Variants in BRAF observed in about 807,000 individuals in gnomAD.
BRAF encodes the protein B-Raf proto-oncogene, serine/threonine kinase, also known as serine/threonine-protein kinase B-raf.
A neutral mutation model predicts 104.6 loss-of-function variants in BRAF; 16 were observed. The ratio of observed to expected loss-of-function variants is 0.15; its 90% CI spans 0.10 to 0.23. The LOEUF (loss-of-function observed/expected upper bound fraction) is 0.23. BRAF is among the 10% of genes least tolerant of loss of function. BRAF has a pLI of 1.00. For synonymous variants in BRAF, 310 were observed against 341.6 expected (o/e 0.91, Z 1.02); for missense variants, 541 against 937.3 (o/e 0.58, Z 5.52).
At chr7:140,912,113 A>AC (rs1371735128) in intron 1 of BRAF, among the ~76,000 whole-genome samples, 2 of 152,206 alleles carry the variant, frequency 1.3e-5, no homozygotes, top group Non-Finnish European at 2.9e-5. Context: ...TGACTGTGCC[A>AC]CTGCACCCCA....
chr7:140,875,135 G>C (rs935305079), intron 1 of BRAF, among the ~76,000 whole-genome samples: 2 of 152,156 alleles, frequency 1.3e-5, no homozygotes, highest in Non-Finnish European at 2.9e-5. Flanking sequence ...TTCAAGAATA[G>C]AGTAATACAT....
rs569144905 is a variant in BRAF at position 140,721,229 on chromosome 7, G to A, written c.*5265C>T. The stretch of plus-strand genomic sequence containing the variant: ...TAGTAATTAATAAAACTTAACAGTT[G>A]AAGTTGTGGATGTTAAATAAAAGTA... On this transcript the variant is annotated 3_prime_UTR_variant, in exon 20 of 20. Coordinates refer to ENST00000644969, the MANE Select transcript of BRAF (RefSeq NM_001374258.1). The A allele has an allele frequency of 5.0e-5, 55 of 1,091,704 alleles. No individual in the cohort carries two copies. The East Asian group carries it at 2.4e-3, about 48-fold the overall frequency. 67.6% of individuals were successfully genotyped at this position (1,091,704 alleles called of 1,614,324 possible).
intron 3 of BRAF, among the ~76,000 whole-genome samples, chr7:140,813,958 A>T (rs1327945905): frequency 6.6e-6 from 1 of 152,112 alleles, no homozygotes; most frequent in Non-Finnish European, 1.5e-5. Flanking sequence ...AGAAAATTGG[A>T]TGTATATTTA....
chr7:140,807,530 G>A (rs758773538), intron 5 of BRAF, among the ~76,000 whole-genome samples: 1 of 151,120 alleles, frequency 6.6e-6, no homozygotes, highest in Non-Finnish European at 1.5e-5. Flanking sequence ...TTTAAGAAAG[G>A]GAAAAGAAAA....
chr7:140,873,985 A>C (rs1811905203), intron 1 of BRAF, among the ~76,000 whole-genome samples: 1 of 152,174 alleles, frequency 6.6e-6, no homozygotes, highest in South Asian at 2.1e-4. Context: ...AAATAAAAAC[A>C]AGGAGGGGAA....
rs190766657 is a variant in BRAF, at chr7:140,869,550, T to G, written c.139-19338A>C. Among the ~76,000 whole-genome samples, 494 of 151,982 alleles carry G rather than the reference T, an allele frequency of 3.3e-3. 3 individuals carry two copies. The highest frequency in any genetic ancestry group is 0.011 in the African/African-American group (472 of 41,442). On this transcript the variant is annotated intron_variant, in intron 1 of 19. Coordinates refer to ENST00000644969, the MANE Select transcript of BRAF (RefSeq NM_001374258.1). ...CAGGAGGCTGAGGCATGAGAATCAC[T>G]TGAACCTGGGAGACAGAGGTTGCGG...
chr7:140,733,019 A>G (rs1317787253), intron 19 of BRAF: 1 of 152,032 alleles, frequency 6.6e-6, no homozygotes, highest in African/African-American at 2.4e-5. Context: ...TTTATTCCTT[A>G]GTATCATTTT....
rs1405446994 is a variant in BRAF, at chr7:140,721,639, A to C, written c.*4855T>G. On this transcript the variant is annotated 3_prime_UTR_variant, in exon 20 of 20. Transcript: ENST00000644969. ...CATCACCTGAGGCAGAGATGCTACT[A>C]CCCTCTTCTGGGGCTCAACTACCGA... 1 of 1,535,682 alleles carries C rather than the reference A, an allele frequency of 6.5e-7. No individual in the cohort carries two copies. Among genetic ancestry groups the C allele is most frequent in the East Asian group, 2.4e-5 (1 of 40,842 alleles).
chr7:140,744,661 A>G (rs1797204316), intron 17 of BRAF, among the ~76,000 whole-genome samples: 1 of 152,174 alleles, frequency 6.6e-6, no homozygotes, highest in African/African-American at 2.4e-5. Flanking sequence ...TGAAATATGG[A>G]AAGAATCAAT....
chr7:140,823,724 A>G (rs1040443613), intron 3 of BRAF: 26 of 152,194 alleles, frequency 1.7e-4, no homozygotes, highest in African/African-American at 5.5e-4. Context: ...TAGTTTTTTG[A>G]GGAACCTCTA....
intron 14 of BRAF, among the ~76,000 whole-genome samples, chr7:140,755,055 C>T: frequency 6.6e-6 from 1 of 152,022 alleles, no homozygotes; most frequent in Non-Finnish European, 1.5e-5. Context: ...ACTCTATCAC[C>T]CAGGCTGGAG....
At chr7:140,841,051 C>T (rs376391259) in intron 2 of BRAF, among the ~76,000 whole-genome samples, 1 of 151,886 alleles carries the variant, frequency 6.6e-6, no homozygotes, top group Non-Finnish European at 1.5e-5. Context: ...AAAGGACAAA[C>T]CCAGTTTTTT....
intron 19 of BRAF, chr7:140,730,932 T>C (rs1379258266): frequency 1.3e-5 from 2 of 152,230 alleles, no homozygotes; most frequent in Non-Finnish European, 2.9e-5. Flanking sequence ...AATCAATCAC[T>C]ACTTGACATT....
In BRAF at chr7:140,924,131, G is replaced by T. The variant is rs1396160272; in HGVS notation, c.138+435C>A. Reference sequence around the variant, plus strand: ...TGAGCCCCATCATCCCCACGACCATGTAAGAATTACACGCGACAGTAACTC... The same window carrying T: ...TGAGCCCCATCATCCCCACGACCATTTAAGAATTACACGCGACAGTAACTC... On this transcript the variant is annotated intron_variant, in intron 1 of 19. Transcript: ENST00000644969. This position sits in a 1 kb window ranked among gnomAD's most constrained non-coding sequence, Gnocchi z 4.2. Among the ~76,000 whole-genome samples, 1 of 152,162 alleles carries T rather than the reference G, an allele frequency of 6.6e-6. No individual in the cohort carries two copies. The highest frequency in any genetic ancestry group is 6.5e-5 in the Admixed American group (1 of 15,284).
intron 12 of BRAF, chr7:140,780,064 T>C (rs1250176341): frequency 2.6e-5 from 4 of 152,178 alleles, no homozygotes; most frequent in African/African-American, 9.7e-5. Flanking sequence ...GTTTGTATCA[T>C]AAAATACTGT....
chr7:140,878,699 A>C (rs1002993211), intron 1 of BRAF, among the ~76,000 whole-genome samples: 11 of 152,238 alleles, frequency 7.2e-5, no homozygotes, highest in Non-Finnish European at 1.3e-4. Flanking sequence ...GGGAAATTAC[A>C]GTTAACAATT....
intron 2 of BRAF, among the ~76,000 whole-genome samples, chr7:140,837,767 C>T (rs1807498977): frequency 6.6e-6 from 1 of 152,176 alleles, no homozygotes; most frequent in African/African-American, 2.4e-5. Context: ...TTCTCTGGAT[C>T]TTAACTTCAT....
intron 3 of BRAF, among the ~76,000 whole-genome samples, chr7:140,827,517 G>A (rs1806194119): frequency 6.6e-6 from 1 of 152,212 alleles, no homozygotes. Flanking sequence ...GTCAAAGACA[G>A]TCAAGTTTAT....
chr7:140,797,576 A>G (rs1802620539), intron 7 of BRAF, among the ~76,000 whole-genome samples: 1 of 152,222 alleles, frequency 6.6e-6, no homozygotes, highest in East Asian at 1.9e-4. Context: ...ACATCTTATC[A>G]TTTGCTCAAG....
Sources: allele counts gnomAD v4.1 joint callset (sites outside exome capture counted in the v4.1 genomes callset), GRCh38; gene constraint gnomAD v4.1.1; non-coding constraint Gnocchi (gnomAD v3.1); transcripts MANE v1.5; gene names NCBI Gene and HGNC (gene_info 2026-07-23, HGNC 2026-07-21).